The following FAM135B variants were observed in gnomAD, a reference collection of about 807,000 sequenced individuals.
FAM135B encodes the protein protein FAM135B.
A neutral mutation model predicts 127.7 loss-of-function variants in FAM135B; 43 were observed. The ratio of observed to expected loss-of-function variants is 0.34; its 90% CI spans 0.26 to 0.43. The LOEUF is 0.43. Among genes scored for constraint, FAM135B ranks in the 20% least tolerant of loss-of-function variants. The pLI is 1.00. For synonymous variants in FAM135B, 670 were observed against 665.1 expected (o/e 1.01, Z -0.11); for missense variants, 1,558 against 1,725.6 (o/e 0.90, Z 1.72).
chr8:138,491,133 ACT>A (rs773341092), intron 1 of FAM135B, among the ~76,000 whole-genome samples: 1 of 144,472 alleles, frequency 6.9e-6, no homozygotes, highest in African/African-American at 2.6e-5. Context: ...CAAGAGCGAA[ACT>A]CTCTCTCAAA....
chr8:138,330,784 C>T (rs1308893146), intron 2 of FAM135B, among the ~76,000 whole-genome samples: 1 of 152,120 alleles, frequency 6.6e-6, no homozygotes, highest in Non-Finnish European at 1.5e-5. Flanking sequence ...TGGAAGGTCC[C>T]ACATTTCAGG....
At chr8:138,246,241 C>T (rs977195104) in intron 6 of FAM135B, among the ~76,000 whole-genome samples, 1 of 152,104 alleles carries the variant, frequency 6.6e-6, no homozygotes, top group Non-Finnish European at 1.5e-5. Flanking sequence ...AATGAGGGAC[C>T]CAATGTTAAT....
At chr8:138,356,039 T>A (rs76421987) in intron 2 of FAM135B, among the ~76,000 whole-genome samples, 7,582 of 152,244 alleles carry the variant, frequency 0.05, 275 homozygotes, top group South Asian at 0.16. Context: ...CTTTCCACCA[T>A]GTGACAGGGC....
chr8:138,390,297 T>A (rs1309259707), intron 1 of FAM135B, among the ~76,000 whole-genome samples: 1 of 152,028 alleles, frequency 6.6e-6, no homozygotes, highest in Non-Finnish European at 1.5e-5. Context: ...ATAGGGGCGG[T>A]TTCCCCCAGC....
At chr8:138,287,224 T>C (rs1480350389) in intron 3 of FAM135B, among the ~76,000 whole-genome samples, 1 of 152,032 alleles carries the variant, frequency 6.6e-6, no homozygotes, top group Admixed American at 6.6e-5. Flanking sequence ...AGTAAATTAT[T>C]CAAAGAAAAA....
chr8:138,417,391 C>T (rs1360209282), intron 1 of FAM135B, among the ~76,000 whole-genome samples: 1 of 152,206 alleles, frequency 6.6e-6, no homozygotes, highest in Admixed American at 6.5e-5. Flanking sequence ...TCACCACCAG[C>T]AACCCTCTCC....
At chr8:138,426,008 TATATACAC>T (rs1222817738) in intron 1 of FAM135B, among the ~76,000 whole-genome samples, 14 of 18,678 alleles carry the variant, frequency 7.5e-4, no homozygotes, top group African/African-American at 5.7e-3. Flanking sequence ...TATATATATA[TATATACAC>T]ACACATACAT....
rs75486126 is a variant in FAM135B, at chr8:138,374,702, T to A, written c.-19-6700A>T. 1.2e-4 allele frequency among the ~76,000 whole-genome samples: 19 copies of A among 152,282 alleles called. No individual in the cohort carries two copies. The East Asian group carries it at 3.7e-3, about 29-fold the overall frequency. On this transcript the variant is annotated intron_variant, in intron 1 of 19. Transcript: ENST00000395297. ...TAAGGGTTGAAACAGTGATGTTGGT[T>A]ATGGCAGAAAAAGCAAGTTCTTTGT... is the stretch of plus-strand genomic sequence containing the variant.
chr8:138,456,569 G>C (rs1017611139), intron 1 of FAM135B, among the ~76,000 whole-genome samples: 1 of 152,156 alleles, frequency 6.6e-6, no homozygotes, highest in Non-Finnish European at 1.5e-5. Context: ...CATGAGGCTC[G>C]TGGGTGGTGG....
intron 1 of FAM135B, among the ~76,000 whole-genome samples, chr8:138,382,672 T>C (rs1341773047): frequency 2.0e-5 from 3 of 152,150 alleles, no homozygotes; most frequent in Non-Finnish European, 4.4e-5. Context: ...ATAAAGTGCA[T>C]AGTGTGGCAC....
intron 1 of FAM135B, among the ~76,000 whole-genome samples, chr8:138,392,452 A>T (rs1461182698): frequency 2.0e-5 from 3 of 152,222 alleles, no homozygotes; most frequent in Non-Finnish European, 4.4e-5. Context: ...TATTTGTTGC[A>T]GGTCCCCAAG....
chr8:138,341,983 C>A (rs1829081236), intron 2 of FAM135B, among the ~76,000 whole-genome samples: 1 of 152,084 alleles, frequency 6.6e-6, no homozygotes, highest in African/African-American at 2.4e-5. Context: ...AGTCCTGGAC[C>A]AAGTTTTGGT....
chr8:138,399,435 G>T (rs1031741515), intron 1 of FAM135B, among the ~76,000 whole-genome samples: 6 of 152,120 alleles, frequency 3.9e-5, no homozygotes, highest in Non-Finnish European at 5.9e-5. Context: ...AAAATAAGTG[G>T]TTTTCAGATA....
intron 10 of FAM135B, 59 bp from the exon 11 acceptor site, chr8:138,177,479 CT>C (rs557646647): frequency 1.1e-3 from 1,592 of 1,385,162 alleles, no homozygotes; most frequent in South Asian, 1.8e-3. Flanking sequence ...CCTGCACTTT[CT>C]TTTTTTTTAA....
chr8:138,160,514 A>C (rs1439840503), intron 12 of FAM135B, among the ~76,000 whole-genome samples: 1 of 151,482 alleles, frequency 6.6e-6, no homozygotes, highest in African/African-American at 2.4e-5. Flanking sequence ...TCAGCCTCCC[A>C]AGTAGCTGGG....
chr8:138,426,154 T>A (rs1386725818), intron 1 of FAM135B, among the ~76,000 whole-genome samples: 1 of 138,538 alleles, frequency 7.2e-6, no homozygotes, highest in African/African-American at 2.8e-5. Flanking sequence ...ATATATATAA[T>A]GCTAAGCACA....
intron 16 of FAM135B, among the ~76,000 whole-genome samples, chr8:138,142,699 A>T (rs2130619264): frequency 6.6e-6 from 1 of 152,280 alleles, no homozygotes; most frequent in Non-Finnish European, 1.5e-5. Flanking sequence ...TATATCTGGT[A>T]CATGGCAAGA....
chr8:138,285,368 A>G (rs1387153159), intron 3 of FAM135B, among the ~76,000 whole-genome samples: 2 of 151,892 alleles, frequency 1.3e-5, no homozygotes, highest in Non-Finnish European at 2.9e-5. Flanking sequence ...GCTGGTCTTG[A>G]ACTCTTGACC....
At chr8:138,230,966 AG>A (rs1306793757) in intron 7 of FAM135B, among the ~76,000 whole-genome samples, 4 of 152,088 alleles carry the variant, frequency 2.6e-5, no homozygotes, top group African/African-American at 9.7e-5. Context: ...GGTTACATGA[AG>A]TTACTTTTTC....
Sources: allele counts gnomAD v4.1 joint callset (sites outside exome capture counted in the v4.1 genomes callset), GRCh38; gene constraint gnomAD v4.1.1; transcripts MANE v1.5; gene names NCBI Gene and HGNC (gene_info 2026-07-23, HGNC 2026-07-21).